The following NIN variants were observed in gnomAD, a reference collection of about 807,000 sequenced individuals.
NIN encodes the protein glycogen synthase kinase 3 beta-interacting protein.
In NIN, 137 loss-of-function variants were observed where a neutral mutation model predicts 257.6. The observed-to-expected ratio is 0.53, with a 90% CI of 0.46 to 0.61. The LOEUF is 0.61. NIN is among the 20% of genes least tolerant of loss of function. NIN has a pLI of 0.00. For missense variants in NIN, 2,439 were observed against 2,501.2 expected (o/e 0.98, Z 0.53); for synonymous variants, 918 against 919.8 (o/e 1.00, Z 0.04).
Position 50,722,416 on chromosome 14 carries a change from A to G in NIN, c.*1047T>C, listed in dbSNP as rs1156665691. The G allele has an allele frequency of 4.7e-6, 1 of 211,750 alleles. No individual in the cohort carries two copies. The highest frequency in any genetic ancestry group is 9.6e-6 in the Non-Finnish European group (1 of 104,310). 13.1% of individuals were successfully genotyped at this position (211,750 alleles called of 1,614,324 possible). A position where few individuals can be genotyped will look rare whatever the true frequency, so the allele number is the denominator to read the frequency against. On this transcript the variant is annotated 3_prime_UTR_variant, in exon 31 of 31. Transcript: ENST00000530997. ...ATCAAGGCCTTTTTTCCCCCAGAATATTAAATTTACTAAAAACGTAGAAAT... is the reference window on the plus strand; with the variant it reads ...ATCAAGGCCTTTTTTCCCCCAGAATGTTAAATTTACTAAAAACGTAGAAAT...
intron 12 of NIN, among the ~76,000 whole-genome samples, chr14:50,767,648 T>A (rs8014070): frequency 0.51 from 77,237 of 151,808 alleles, 21,716 homozygotes; most frequent in East Asian, 0.84. Context: ...AAACCCCGTC[T>A]CTACTAAAAA....
At chr14:50,823,113 C>T in intron 2 of NIN, 1 of 500,962 alleles carries the variant, frequency 2.0e-6, no homozygotes, top group Non-Finnish European at 4.0e-6. Context: ...AAATATACAT[C>T]ATAAAATTCC....
chr14:50,796,861 C>T (rs938713817), intron 4 of NIN, among the ~76,000 whole-genome samples: 3 of 152,162 alleles, frequency 2.0e-5, no homozygotes, highest in African/African-American at 7.2e-5. Context: ...CTGACCACTG[C>T]ACCAGATCAC....
At position 50,741,590 on chromosome 14, in the gene NIN, CA is replaced by C; in HGVS notation, c.5439del (p.Gly1814ValfsTer9). Reference protein sequence around the residue: ...VMSLHKQLQNAGGKSWAPEIA... With the variant: ...VMSLHKQLQNXGGKSWAPEIA... ...AAAAAAGAACAAATCACCTTGCCACCAGCATTCTGAAGTTGCTTATGTAAAG... is the reference window on the plus strand; with the variant it reads ...AAAAAAGAACAAATCACCTTGCCACCGCATTCTGAAGTTGCTTATGTAAAG... On this transcript the variant is annotated frameshift_variant, in exon 25 of 31. Transcript: ENST00000530997. LOFTEE classifies it high-confidence loss of function. The C allele has an allele frequency of 6.2e-7, 1 of 1,613,264 alleles. No homozygotes were observed. Among genetic ancestry groups the C allele is most frequent in the East Asian group, 2.2e-5 (1 of 44,870 alleles).
chr14:50,723,821 C>G (rs1566768959), intron 30 of NIN, 149 bp from the exon 31 acceptor site: 2 of 648,778 alleles, frequency 3.1e-6, no homozygotes, highest in African/African-American at 3.7e-5. Context: ...GCTTTAACAT[C>G]AGACTTGGCA....
chr14:50,802,784 T>C (rs950077683), intron 4 of NIN, among the ~76,000 whole-genome samples: 1 of 152,208 alleles, frequency 6.6e-6, no homozygotes, highest in Admixed American at 6.5e-5. Flanking sequence ...TAAGATCACC[T>C]GATTAGAGGG....
chr14:50,757,097 G>GT lies in NIN; in HGVS notation c.3932dup (p.Tyr1311Ter). The GT allele has an allele frequency of 6.2e-7, 1 of 1,613,206 alleles. No homozygotes were observed. The change falls in exon 18 of 31, where the codon TAC becomes TAAC. Residue 1311 changes from tyrosine to a stop codon, truncating the protein, a stop_gained and frameshift_variant. Transcript: ENST00000530997. LOFTEE classifies it high-confidence loss of function. ...CCTCATTTTCTATTTTGACCTCATCGTAACTCTTTTCCAGGCTGAGGAATG... is the reference window on the plus strand; with the variant it reads ...CCTCATTTTCTATTTTGACCTCATCGTTAACTCTTTTCCAGGCTGAGGAATG... ...TETFLSLEKS[Y>*]DEVKIENEGL... is the part of the protein sequence containing the mutation.
At chr14:50,737,495 CAAAAAAAAAAAAAA>C (rs58386910) in intron 27 of NIN, among the ~76,000 whole-genome samples, 1 of 54,466 alleles carries the variant, frequency 1.8e-5, no homozygotes, top group Non-Finnish European at 3.7e-5. Flanking sequence ...TGTTACATAG[CAAAAAAAAAAAAAA>C]AAAAAAAAAA....
intron 22 of NIN, among the ~76,000 whole-genome samples, chr14:50,745,894 G>A (rs1412410146): frequency 3.9e-5 from 6 of 152,078 alleles, no homozygotes; most frequent in African/African-American, 7.2e-5. Context: ...CTAGGTCCAC[G>A]TTGTATAATA....
At chr14:50,806,706 G>C in intron 4 of NIN, 31 bp downstream of exon 4, 1 of 1,255,022 alleles carries the variant, frequency 8.0e-7, no homozygotes, top group Non-Finnish European at 1.1e-6. Context: ...TTTTAAAGGG[G>C]AAGGCAGAGA....
intron 2 of NIN, among the ~76,000 whole-genome samples, chr14:50,827,688 C>T (rs570570200): frequency 2.1e-5 from 3 of 140,346 alleles, no homozygotes; most frequent in African/African-American, 5.3e-5. Context: ...ACCTGGGAGG[C>T]AGAGGTTGCA....
chr14:50,761,938 C>A, intron 15 of NIN, 27 bp from the exon 16 acceptor site: 1 of 1,612,768 alleles, frequency 6.2e-7, no homozygotes, highest in South Asian at 1.1e-5. Flanking sequence ...CTCATTGATC[C>A]TGCAGCAGGT....
intron 3 of NIN, among the ~76,000 whole-genome samples, chr14:50,818,539 A>G (rs1182507727): frequency 6.6e-6 from 1 of 152,132 alleles, no homozygotes; most frequent in East Asian, 1.9e-4. Context: ...TGTGCCATGT[A>G]TATTACCCGA....
rs573191765 is a variant in NIN at position 50,780,936 on chromosome 14, G to A, written c.436-2132C>T. On this transcript the variant is annotated intron_variant, in intron 5 of 30. Transcript: ENST00000530997. ...ATCTAGTGGATGTCTGAGGCATGGT[G>A]GGGATGGGGAGCAAGTGGTAAAGTC... Among the ~76,000 whole-genome samples the A allele has an allele frequency of 3.3e-5, 5 of 152,240 alleles. No homozygotes were observed. In the East Asian group the frequency reaches 9.7e-4, roughly 29 times the overall value.
chr14:50,810,129 G>C (rs1357228558), intron 3 of NIN, among the ~76,000 whole-genome samples: 1 of 151,810 alleles, frequency 6.6e-6, no homozygotes. Flanking sequence ...TACTCGGGAG[G>C]CTGAGGCAGG....
intron 22 of NIN, among the ~76,000 whole-genome samples, chr14:50,745,214 G>A (rs911973167): frequency 1.3e-5 from 2 of 152,076 alleles, no homozygotes; most frequent in East Asian, 1.9e-4. Context: ...GTTGGGGGTC[G>A]CGGGGCATTC....
intron 3 of NIN, among the ~76,000 whole-genome samples, chr14:50,816,039 C>T (rs2044877561): frequency 6.6e-6 from 1 of 152,136 alleles, no homozygotes; most frequent in South Asian, 2.1e-4. Flanking sequence ...AAAATCATGT[C>T]CTTTGCAAGA....
At chr14:50,746,502 C>T (rs899468577) in intron 22 of NIN, among the ~76,000 whole-genome samples, 7 of 152,210 alleles carry the variant, frequency 4.6e-5, no homozygotes, top group South Asian at 4.1e-4. Context: ...AAAAGCAAGA[C>T]GCATAGGAGT....
chr14:50,735,878 G>A (rs1324218480), intron 27 of NIN, among the ~76,000 whole-genome samples: 4 of 152,100 alleles, frequency 2.6e-5, no homozygotes, highest in Admixed American at 6.5e-5. Flanking sequence ...TAAGAAATAC[G>A]TTTTATCTTA....
Sources: gnomAD v4.1 joint callset for allele counts (sites outside exome capture counted in the v4.1 genomes callset) on GRCh38, gnomAD v4.1.1 for gene constraint, MANE v1.5 for transcripts, NCBI Gene and HGNC (gene_info 2026-07-23, HGNC 2026-07-21) for gene names.